LRRC7: variants seen among roughly 807,000 people sequenced by gnomAD.
The protein encoded by LRRC7 is leucine rich repeat containing 7.
LRRC7 carries 23 observed loss-of-function variants against 175.7 expected under a neutral mutation model. The observed-to-expected ratio is 0.13, with a 90% CI of 0.09 to 0.19. The LOEUF (loss-of-function observed/expected upper bound fraction) is 0.19. Among genes scored for constraint, LRRC7 ranks in the 10% least tolerant of loss-of-function variants. The pLI, the probability that LRRC7 is intolerant of heterozygous loss-of-function variation, is 1.00. For synonymous variants in LRRC7, 685 were observed against 680.9 expected (o/e 1.01, Z -0.09); for missense variants, 1,354 against 1,904.7 (o/e 0.71, Z 5.38).
intron 2 of LRRC7, among the ~76,000 whole-genome samples, chr1:69,683,770 G>T (rs2100625195): frequency 6.6e-6 from 1 of 152,118 alleles, no homozygotes; most frequent in Admixed American, 6.5e-5. Flanking sequence ...AAAGAAAAAT[G>T]AACATTATTG....
chr1:69,602,960 C>T (rs1019251730), intron 1 of LRRC7, among the ~76,000 whole-genome samples: 4 of 152,166 alleles, frequency 2.6e-5, no homozygotes, highest in African/African-American at 4.8e-5. Context: ...GTAGCCTATG[C>T]GATCTAGGTT....
Position 70,039,089 on chromosome 1 carries a change from C to T in LRRC7, c.3265C>T (p.Pro1089Ser). The T allele has an allele frequency of 6.2e-7, 1 of 1,614,094 alleles. No homozygotes were observed. ...EVKAEKRIPPPFQHNPEYVQQ... is the reference protein window; with the variant it reads ...EVKAEKRIPPSFQHNPEYVQQ... ...GAAAGCCGAAAAGAGGATACCACCC[C>T]CTTTTCAACACAATCCCGAGTACGT... Residue 1089 changes from proline to serine, a missense_variant, in exon 21 of 27, where the codon CCT becomes TCT. By Grantham distance (74) the Pro-to-Ser change is moderately conservative. Around this residue, in one of 4 missense-constraint regions of LRRC7, gnomAD observed 1,032 missense variants for 1,227.2 expected, o/e 0.84. Transcript: ENST00000651989.
intron 2 of LRRC7, among the ~76,000 whole-genome samples, chr1:69,756,920 T>C (rs150394233): frequency 4.6e-5 from 7 of 151,394 alleles, no homozygotes; most frequent in East Asian, 2.0e-4. Flanking sequence ...TACTCCAGAG[T>C]GGAGGTTAAG....
chr1:69,582,667 C>G (rs74084915), intron 1 of LRRC7, among the ~76,000 whole-genome samples: 3,754 of 152,244 alleles, frequency 0.025, 133 homozygotes, highest in African/African-American at 0.085. Flanking sequence ...TTATCTATTT[C>G]TTTGGTAGTA....
chr1:70,124,078 G>GA lies in LRRC7; in HGVS notation c.*2192dup, dbSNP rs1666334939. On this transcript the variant is annotated 3_prime_UTR_variant, in exon 27 of 27. Coordinates refer to ENST00000651989, the MANE Select transcript of LRRC7 (RefSeq NM_001370785.2). ...ACTCCTGATGTGACAACATTGTCCT[G>GA]AGCCACTTCTTTAGTACTTCCTGTT... 6.6e-6 allele frequency among the ~76,000 whole-genome samples: 1 copy of GA among 152,136 alleles called. No individual in the cohort carries two copies. The highest frequency in any genetic ancestry group is 6.6e-5 in the Admixed American group (1 of 15,264).
chr1:69,568,273 T>TCCGCCACCGCCG lies in LRRC7; in HGVS notation c.-361_-350dup, dbSNP rs1646405908. The TCCGCCACCGCCG allele has an allele frequency of 4.8e-6, 1 of 209,154 alleles. No individual in the cohort carries two copies. Among genetic ancestry groups the TCCGCCACCGCCG allele is most frequent in the South Asian group, 7.8e-5 (1 of 12,878 alleles). The allele number at this position is 209,154 out of a possible 1,614,324, so 13.0% of individuals were successfully genotyped here. A position where few individuals can be genotyped will look rare whatever the true frequency, so the allele number is the denominator to read the frequency against. On this transcript the variant is annotated 5_prime_UTR_variant, in exon 1 of 27. Coordinates refer to ENST00000651989, the MANE Select transcript of LRRC7 (RefSeq NM_001370785.2). ...CTGGGGGCGGGGAGGGAGCTGCGCCTCCGCCACCGCCGCCGCCGCCGCCGC... is the reference window on the plus strand; with the variant it reads ...CTGGGGGCGGGGAGGGAGCTGCGCCTCCGCCACCGCCGCCGCCACCGCCGCCGCCGCCGCCGC...
chr1:69,864,356 G>T (rs188573390), intron 7 of LRRC7, among the ~76,000 whole-genome samples: 1 of 152,270 alleles, frequency 6.6e-6, no homozygotes, highest in East Asian at 1.9e-4. Context: ...TGGATGAATA[G>T]ATGGATGGAG....
At chr1:69,851,661 A>G (rs1364423698) in intron 7 of LRRC7, among the ~76,000 whole-genome samples, 3 of 152,178 alleles carry the variant, frequency 2.0e-5, no homozygotes, top group Non-Finnish European at 2.9e-5. Context: ...AGTAGAAAAT[A>G]TTAGAGGTTT....
intron 2 of LRRC7, among the ~76,000 whole-genome samples, chr1:69,759,963 G>A (rs1014017547): frequency 2.6e-5 from 4 of 151,912 alleles, no homozygotes; most frequent in African/African-American, 9.7e-5. Context: ...GAAATCTCTC[G>A]CACTTTTTGA....
In LRRC7 at chr1:70,076,065, T is replaced by A; in HGVS notation, c.4231-12T>A. 6.2e-7 allele frequency: 1 copy of A among 1,612,574 alleles called. No homozygotes were observed. The highest frequency in any genetic ancestry group is 8.5e-7 in the Non-Finnish European group (1 of 1,179,664). On this transcript the variant is annotated splice_polypyrimidine_tract_variant and intron_variant, in intron 23 of 26. Transcript: ENST00000651989. ...CCATGAATCTTTGCCTGACAGATTA[T>A]CTTCTCCACAGGCAGGCAGCCACAT...
chr1:70,012,951 C>T, intron 12 of LRRC7, 23 bp from the exon 13 acceptor site: 1 of 1,282,926 alleles, frequency 7.8e-7, no homozygotes, highest in Non-Finnish European at 1.1e-6. Flanking sequence ...ATTTTTTTAC[C>T]TATTTTCTTT....
chr1:69,897,906 TACTTGCATTTTGTC>T (rs1012315588), intron 7 of LRRC7, among the ~76,000 whole-genome samples: 1 of 152,352 alleles, frequency 6.6e-6, no homozygotes, highest in Non-Finnish European at 1.5e-5. Context: ...GTTTCTATAT[TACTTGCATTTTGTC>T]ACTTGCATTT....
intron 1 of LRRC7, among the ~76,000 whole-genome samples, chr1:69,605,766 G>A (rs1238422090): frequency 6.6e-6 from 1 of 152,042 alleles, no homozygotes; most frequent in Non-Finnish European, 1.5e-5. Flanking sequence ...ATATGCTACA[G>A]AAAACACACA....
chr1:69,865,469 C>CTT (rs532063540), intron 7 of LRRC7, among the ~76,000 whole-genome samples: 1,552 of 51,160 alleles, frequency 0.03, 363 homozygotes, highest in African/African-American at 0.052. Context: ...AAGACAGTTC[C>CTT]TTTTTTTTTT....
chr1:69,798,466 C>T (rs1676066724), intron 4 of LRRC7, among the ~76,000 whole-genome samples: 1 of 152,118 alleles, frequency 6.6e-6, no homozygotes, highest in South Asian at 2.1e-4. Flanking sequence ...TGTGTATTGT[C>T]TATCCTAACA....
chr1:69,601,495 T>C (rs1028256933), intron 1 of LRRC7, among the ~76,000 whole-genome samples: 4 of 152,240 alleles, frequency 2.6e-5, no homozygotes, highest in Admixed American at 1.3e-4. Context: ...TATTCAATCA[T>C]ATTCTTGTGG....
At chr1:69,575,548 T>A (rs1341707443) in intron 1 of LRRC7, among the ~76,000 whole-genome samples, 1 of 152,184 alleles carries the variant, frequency 6.6e-6, no homozygotes, top group Non-Finnish European at 1.5e-5. Flanking sequence ...AGTATTCTAT[T>A]TTTAAAATAT....
chr1:70,075,687 G>A (rs1229156630), intron 23 of LRRC7, among the ~76,000 whole-genome samples: 3 of 152,042 alleles, frequency 2.0e-5, no homozygotes, highest in South Asian at 2.1e-4. Context: ...TTTTCCCCAT[G>A]GTGTTACATA....
chr1:69,857,840 A>G (rs149797737), intron 7 of LRRC7, among the ~76,000 whole-genome samples: 1,880 of 152,282 alleles, frequency 0.012, 34 homozygotes, highest in African/African-American at 0.042. Context: ...TGGAGGCATC[A>G]CGCTACCTGA....
Sources: allele counts gnomAD v4.1 joint callset (sites outside exome capture counted in the v4.1 genomes callset), GRCh38; gene constraint gnomAD v4.1.1; regional missense constraint gnomAD v4.1.1; transcripts MANE v1.5; gene names NCBI Gene and HGNC (gene_info 2026-07-23, HGNC 2026-07-21).